AKAP19: variants seen among roughly 807,000 people sequenced by gnomAD.
AKAP19 encodes A-kinase anchoring protein 19.
the AKAP19 span, among the ~76,000 whole-genome samples, chr2:190,095,769 A>G: frequency 6.6e-6 from 1 of 152,204 alleles, no homozygotes; most frequent in African/African-American, 2.4e-5. Context: ...AGTGTATTAT[A>G]TATGATATAC....
chr2:190,191,607 A>T, the AKAP19 span, among the ~76,000 whole-genome samples: 16 of 152,208 alleles, frequency 1.1e-4, no homozygotes, highest in African/African-American at 3.4e-4. Flanking sequence ...AATGTATGAG[A>T]GTGCAGTTGC....
At chr2:190,095,549 C>T in the AKAP19 span, 1 of 152,194 alleles carries the variant, frequency 6.6e-6, no homozygotes, top group Non-Finnish European at 1.5e-5. Flanking sequence ...AGAGGACCCT[C>T]ACCAGAACCT....
At chr2:189,975,810 T>C in the AKAP19 span, among the ~76,000 whole-genome samples, 1 of 152,360 alleles carries the variant, frequency 6.6e-6, no homozygotes, top group South Asian at 2.1e-4. Context: ...CAAGTAGTTC[T>C]CGTGCCATGG....
chr2:190,073,294 A>G, the AKAP19 span, among the ~76,000 whole-genome samples: 9 of 152,220 alleles, frequency 5.9e-5, no homozygotes, highest in East Asian at 1.9e-4. Context: ...GTGCCAGTCT[A>G]TAGATGATTC....
At chr2:189,966,348 CAATT>C in the AKAP19 span, among the ~76,000 whole-genome samples, 1 of 152,060 alleles carries the variant, frequency 6.6e-6, no homozygotes, top group Admixed American at 6.6e-5. Flanking sequence ...TAAAAAAAGA[CAATT>C]AGTGCCGATA....
chr2:190,018,012 T>C, the AKAP19 span, among the ~76,000 whole-genome samples: 8 of 152,350 alleles, frequency 5.3e-5, no homozygotes, highest in African/African-American at 1.9e-4. Flanking sequence ...AGAAATCTGC[T>C]GATAGCTTTA....
At chr2:190,043,833 A>C in the AKAP19 span, among the ~76,000 whole-genome samples, 1 of 152,138 alleles carries the variant, frequency 6.6e-6, no homozygotes, top group South Asian at 2.1e-4. Flanking sequence ...GTGTTCCTTT[A>C]AGTGCAGTGT....
the AKAP19 span, among the ~76,000 whole-genome samples, chr2:190,078,884 A>G: frequency 7.9e-5 from 12 of 152,358 alleles, no homozygotes; most frequent in East Asian, 2.3e-3. Flanking sequence ...ATGTACAACT[A>G]TTAGAAATTA....
chr2:190,186,557 A>G, the AKAP19 span, among the ~76,000 whole-genome samples: 18 of 152,220 alleles, frequency 1.2e-4, no homozygotes, highest in Admixed American at 6.5e-4. The surrounding 1 kb of genome is among the most constrained non-coding windows in gnomAD (Gnocchi z 5.5). Flanking sequence ...GACCAAAGTC[A>G]TATATACAGT....
chr2:189,968,310 T>A, the AKAP19 span, among the ~76,000 whole-genome samples: 1 of 152,138 alleles, frequency 6.6e-6, no homozygotes, highest in African/African-American at 2.4e-5. Flanking sequence ...TGATCATAGC[T>A]CTCTTTAGCC....
the AKAP19 span, among the ~76,000 whole-genome samples, chr2:189,994,066 A>G: frequency 1.9e-4 from 28 of 149,278 alleles, no homozygotes; most frequent in Admixed American, 4.7e-4. Context: ...GCTGGAGTGC[A>G]CTGGCGCGAT....
chr2:190,077,484 T>A, the AKAP19 span, among the ~76,000 whole-genome samples: 9 of 152,058 alleles, frequency 5.9e-5, no homozygotes, highest in South Asian at 2.1e-4. Flanking sequence ...AAAAATTTTT[T>A]AAAAAATGTT....
chr2:190,150,854 AC>A, the AKAP19 span, among the ~76,000 whole-genome samples: 17 of 151,432 alleles, frequency 1.1e-4, no homozygotes, highest in South Asian at 1.0e-3. Context: ...CCAATAATGT[AC>A]TATAGGAGTT....
the AKAP19 span, among the ~76,000 whole-genome samples, chr2:189,885,757 A>G: frequency 1.3e-5 from 2 of 152,142 alleles, no homozygotes; most frequent in African/African-American, 2.4e-5. Context: ...TTTTTTACAT[A>G]AATATGTAGC....
the AKAP19 span, among the ~76,000 whole-genome samples, chr2:190,022,764 TA>T: frequency 6.7e-6 from 1 of 148,318 alleles, no homozygotes; most frequent in African/African-American, 2.6e-5. Context: ...ATGTATTCTA[TA>T]ATTTTTTTTT....
At chr2:190,045,794 G>T in the AKAP19 span, among the ~76,000 whole-genome samples, 2 of 152,166 alleles carry the variant, frequency 1.3e-5, no homozygotes, top group African/African-American at 4.8e-5. Flanking sequence ...ATGTACGGGG[G>T]TCTAAACTCC....
chr2:189,998,757 T>G, the AKAP19 span, among the ~76,000 whole-genome samples: 1 of 87,650 alleles, frequency 1.1e-5, no homozygotes, highest in Non-Finnish European at 2.2e-5. Context: ...TCTTCTTTCT[T>G]TCTTTCTTTC....
the AKAP19 span, among the ~76,000 whole-genome samples, chr2:189,908,001 G>T: frequency 2.0e-5 from 3 of 151,828 alleles, no homozygotes; most frequent in African/African-American, 7.3e-5. Context: ...CAAAAAAATC[G>T]TTCTTAGTTT....
At chr2:189,995,443 C>T in the AKAP19 span, among the ~76,000 whole-genome samples, 1 of 152,164 alleles carries the variant, frequency 6.6e-6, no homozygotes, top group African/African-American at 2.4e-5. Flanking sequence ...CTCCTGCTCA[C>T]TTTTGGTTTC....
Sources: allele counts gnomAD v4.1 joint callset (sites outside exome capture counted in the v4.1 genomes callset), GRCh38; gene constraint gnomAD v4.1.1; non-coding constraint Gnocchi (gnomAD v3.1); transcripts MANE v1.5; gene names NCBI Gene and HGNC (gene_info 2026-07-23, HGNC 2026-07-21).